ABLIM1: variants seen among roughly 807,000 people sequenced by gnomAD.
ABLIM1 encodes the protein actin binding LIM protein 1.
ABLIM1 carries 40 observed loss-of-function variants against 107.0 expected under a neutral mutation model. That is an observed-to-expected ratio of 0.37 (90% CI 0.29 to 0.49). ABLIM1 has a LOEUF of 0.49. Ranked by LOEUF, ABLIM1 falls within the 20% of genes least tolerant of loss-of-function variation. The pLI, the probability that ABLIM1 is intolerant of heterozygous loss-of-function variation, is 0.97. For synonymous variants in ABLIM1, 357 were observed against 357.3 expected, an observed-to-expected ratio of 1.00 and a Z score of 0.01; for missense variants, 857 against 1,008.5, an observed-to-expected ratio of 0.85 and a Z score of 2.04.
chr10:114,728,255 C>A (rs561397115), intron 1 of ABLIM1, among the ~76,000 whole-genome samples: 1 of 152,082 alleles, frequency 6.6e-6, no homozygotes, highest in Non-Finnish European at 1.5e-5. Context: ...GAAACGGGAA[C>A]GCTTTTATAC....
intron 1 of ABLIM1, chr10:114,768,023 CG>C (rs2082947665): frequency 4.7e-6 from 2 of 428,032 alleles, no homozygotes; most frequent in East Asian, 1.9e-4. Flanking sequence ...TTCGGCCCGC[CG>C]GGGTCAGTGG....
At chr10:114,473,768 CA>C in intron 9 of ABLIM1, 110 bp downstream of exon 9, 1 of 821,336 alleles carries the variant, frequency 1.2e-6, no homozygotes, top group Non-Finnish European at 1.9e-6. Flanking sequence ...GGTCTCATAA[CA>C]AAAATAGAAA....
At chr10:114,630,265 A>C (rs1181589690) in intron 1 of ABLIM1, among the ~76,000 whole-genome samples, 1 of 152,224 alleles carries the variant, frequency 6.6e-6, no homozygotes, top group East Asian at 1.9e-4. Context: ...TCAGGGAAAC[A>C]AACTCAAATC....
intron 12 of ABLIM1, among the ~76,000 whole-genome samples, chr10:114,465,057 G>A (rs1314849383): frequency 6.6e-6 from 1 of 152,180 alleles, no homozygotes; most frequent in African/African-American, 2.4e-5. Context: ...ATTCTCTACT[G>A]TAGTGATGCC....
chr10:114,681,654 G>A lies in ABLIM1; in HGVS notation c.64+2636C>T, dbSNP rs559083087. Among the ~76,000 whole-genome samples the A allele has an allele frequency of 1.6e-4, 24 of 152,294 alleles. No individual in the cohort carries two copies. In the East Asian group the frequency reaches 4.6e-3, roughly 29 times the overall value. Reference sequence around the variant, plus strand: ...TGACAGCAGGACATATGTTTCCCAGGCAAAATATTACAAAGAAGAGTGATA... The same window carrying A: ...TGACAGCAGGACATATGTTTCCCAGACAAAATATTACAAAGAAGAGTGATA... On this transcript the variant is annotated intron_variant, in intron 1 of 23. Transcript: ENST00000369256.
At chr10:114,580,252 C>T (rs891515372) in intron 2 of ABLIM1, among the ~76,000 whole-genome samples, 1 of 150,836 alleles carries the variant, frequency 6.6e-6, no homozygotes, top group Admixed American at 6.6e-5. Context: ...TGTTGCCCAG[C>T]ATGGAGTACA....
chr10:114,567,973 G>A (rs900970690), intron 4 of ABLIM1, among the ~76,000 whole-genome samples: 19 of 151,742 alleles, frequency 1.3e-4, no homozygotes, highest in African/African-American at 4.6e-4. Flanking sequence ...GGTGGATCAC[G>A]AGGTCAGGAG....
At chr10:114,600,084 G>A (rs2075831954) in intron 2 of ABLIM1, among the ~76,000 whole-genome samples, 1 of 152,068 alleles carries the variant, frequency 6.6e-6, no homozygotes, top group African/African-American at 2.4e-5. Context: ...GATGATACAA[G>A]TTTCATATGG....
At chr10:114,503,163 T>C (rs1174439199) in intron 6 of ABLIM1, among the ~76,000 whole-genome samples, 2 of 152,196 alleles carry the variant, frequency 1.3e-5, no homozygotes, top group African/African-American at 2.4e-5. Context: ...CTTAAAAATT[T>C]TGGCTGCTTT....
chr10:114,520,752 C>A (rs1193166292), intron 6 of ABLIM1, among the ~76,000 whole-genome samples: 1 of 152,024 alleles, frequency 6.6e-6, no homozygotes, highest in Admixed American at 6.6e-5. Flanking sequence ...AGGAGGACCA[C>A]TTGAGGCCAG....
rs753280388 is a variant in ABLIM1 at position 114,436,216 on chromosome 10, C to T, written c.*44G>A. 25 of 1,517,324 alleles carry T rather than the reference C, an allele frequency of 1.6e-5. No individual in the cohort carries two copies. Among genetic ancestry groups the T allele is most frequent in the South Asian group, 1.4e-4 (12 of 87,944 alleles). 94.0% of individuals were successfully genotyped at this position (1,517,324 alleles called of 1,614,324 possible). ...CTCAATATGACATCCTATGGGGCAC[C>T]GCCACTGTCAGTCCTTTCTCTAATT... On this transcript the variant is annotated 3_prime_UTR_variant, in exon 23 of 23. Coordinates refer to ENST00000533213, the MANE Select transcript of ABLIM1 (RefSeq NM_002313.7).
the ABLIM1 span, among the ~76,000 whole-genome samples, chr10:114,794,781 T>C: frequency 2.0e-5 from 3 of 152,244 alleles, no homozygotes; most frequent in Admixed American, 2.0e-4. Context: ...AAAATTGTCT[T>C]TCTTTGACTC....
intron 1 of ABLIM1, among the ~76,000 whole-genome samples, chr10:114,742,629 A>G (rs1292829279): frequency 6.6e-6 from 1 of 152,152 alleles, no homozygotes; most frequent in African/African-American, 2.4e-5. Flanking sequence ...CAAATGGAGT[A>G]ATAATATTAT....
At chr10:114,620,279 T>C (rs2077384190) in intron 1 of ABLIM1, among the ~76,000 whole-genome samples, 1 of 152,228 alleles carries the variant, frequency 6.6e-6, no homozygotes, top group Admixed American at 6.5e-5. Flanking sequence ...TGTATATGAA[T>C]CCTGGGTCTT....
chr10:114,543,020 G>A (rs147591553), intron 6 of ABLIM1, among the ~76,000 whole-genome samples: 96 of 152,262 alleles, frequency 6.3e-4, no homozygotes, highest in African/African-American at 2.1e-3. Context: ...CTTCCTGTGT[G>A]TGCGGAGGGT....
rs763860588 is a variant in ABLIM1, at chr10:114,436,383, AG to A, written c.2224-11del. 19 of 1,588,832 alleles carry A rather than the reference AG, an allele frequency of 1.2e-5. No individual in the cohort carries two copies. Among genetic ancestry groups the A allele is most frequent in the Admixed American group, 7.1e-5 (4 of 56,310 alleles). ...CAGGGGCTAAGTGGCGCTGGGAAGA[AG>A]AAAAAAAAAAAAGAGCTGCTGTCAG... is the stretch of plus-strand genomic sequence containing the variant. On this transcript the variant is annotated splice_polypyrimidine_tract_variant and intron_variant, in intron 22 of 22. Coordinates refer to ENST00000533213, the MANE Select transcript of ABLIM1 (RefSeq NM_002313.7).
chr10:114,491,779 A>G lies in ABLIM1; in HGVS notation c.982+12T>C. On this transcript the variant is annotated intron_variant, in intron 7 of 22. Transcript: ENST00000533213. ...GCAAGGAAAACTTCTAGTGTTCTTGAGTCCACCTCACCTTGAAGATACATT... is the reference window on the plus strand; with the variant it reads ...GCAAGGAAAACTTCTAGTGTTCTTGGGTCCACCTCACCTTGAAGATACATT... The G allele has an allele frequency of 6.2e-7, 1 of 1,603,138 alleles. No homozygotes were observed. Among genetic ancestry groups the G allele is most frequent in the Non-Finnish European group, 8.5e-7 (1 of 1,171,136 alleles).
chr10:114,790,613 C>A, the ABLIM1 span, among the ~76,000 whole-genome samples: 17 of 152,206 alleles, frequency 1.1e-4, no homozygotes, highest in Non-Finnish European at 2.4e-4. Context: ...CTTCTGAGTG[C>A]AGGGCCCTGA....
At chr10:114,664,297 G>A (rs978700553) in intron 1 of ABLIM1, among the ~76,000 whole-genome samples, 1 of 152,150 alleles carries the variant, frequency 6.6e-6, no homozygotes, top group Non-Finnish European at 1.5e-5. Context: ...CCTACAAAAG[G>A]ATGGGCCAGG....
Sources: allele counts gnomAD v4.1 joint callset (sites outside exome capture counted in the v4.1 genomes callset), GRCh38; gene constraint gnomAD v4.1.1; transcripts MANE v1.5; gene names NCBI Gene and HGNC (gene_info 2026-07-23, HGNC 2026-07-21).